Variants in HIPK3 observed in about 807,000 individuals in gnomAD.
HIPK3 encodes the protein homeodomain interacting protein kinase 3, also known as homeodomain-interacting protein kinase 3.
HIPK3 carries 47 observed loss-of-function variants against 124.2 expected under a neutral mutation model. The ratio of observed to expected loss-of-function variants is 0.38; its 90% CI spans 0.30 to 0.48. HIPK3 has a LOEUF of 0.48. HIPK3 is among the 20% of genes least tolerant of loss of function. The pLI, the probability that HIPK3 is intolerant of heterozygous loss-of-function variation, is 0.98. For synonymous variants in HIPK3, 482 were observed against 515.2 expected (o/e 0.94, Z 0.87); for missense variants, 1,286 against 1,454.3 (o/e 0.88, Z 1.88).
At chr11:33,313,578 T>G (rs1402892919) in intron 2 of HIPK3, among the ~76,000 whole-genome samples, 2 of 152,116 alleles carry the variant, frequency 1.3e-5, no homozygotes, top group Non-Finnish European at 2.9e-5. Flanking sequence ...GGAATCTAGT[T>G]GAGGGGTATT....
At chr11:33,351,513 T>A (rs1400230929) in intron 14 of HIPK3, 95 bp from the exon 15 acceptor site, 1 of 763,054 alleles carries the variant, frequency 1.3e-6, no homozygotes, top group Non-Finnish European at 2.2e-6. Context: ...AACTGAATAA[T>A]GTTCTCATCA....
At chr11:33,258,663 T>A (rs2133855655) in intron 1 of HIPK3, 2 of 985,208 alleles carry the variant, frequency 2.0e-6, no homozygotes, top group African/African-American at 3.5e-5. Flanking sequence ...TGTTTCTCTG[T>A]CGGGAGGGAG....
At position 33,317,586 on chromosome 11, in the gene HIPK3, A is replaced by T. The variant is rs562742888; in HGVS notation, c.1098-10924A>T. ...CTGGCCAGTCTTATTTTATAGTATG[A>T]GATGCTTGTTTTAGAAACAATAAAA... is the stretch of plus-strand genomic sequence containing the variant. On this transcript the variant is annotated intron_variant, in intron 2 of 16. Coordinates refer to ENST00000303296, the MANE Select transcript of HIPK3 (RefSeq NM_005734.5). 2.0e-5 allele frequency among the ~76,000 whole-genome samples: 3 copies of T among 152,242 alleles called. No homozygotes were observed. In the East Asian group the frequency reaches 5.8e-4, roughly 29 times the overall value.
chr11:33,272,538 G>A (rs1320318456), intron 1 of HIPK3, among the ~76,000 whole-genome samples: 1 of 152,088 alleles, frequency 6.6e-6, no homozygotes, highest in Non-Finnish European at 1.5e-5. Context: ...AAGGAGACCT[G>A]TTGCAAGTTT....
chr11:33,337,937 G>A (rs938416135), intron 4 of HIPK3, among the ~76,000 whole-genome samples: 3 of 152,162 alleles, frequency 2.0e-5, no homozygotes, highest in Admixed American at 2.0e-4. Flanking sequence ...CTCCCAAAGT[G>A]CTGGGATTAC....
chr11:33,304,973 G>A (rs1023453991), intron 2 of HIPK3, among the ~76,000 whole-genome samples: 1 of 152,104 alleles, frequency 6.6e-6, no homozygotes, highest in African/African-American at 2.4e-5. Flanking sequence ...TCACATTATT[G>A]GCTTTGAATA....
intron 2 of HIPK3, among the ~76,000 whole-genome samples, chr11:33,307,254 T>A (rs972995719): frequency 3.3e-5 from 5 of 152,078 alleles, no homozygotes; most frequent in African/African-American, 1.2e-4. Flanking sequence ...CATCCATTTT[T>A]AAATAAACTA....
chr11:33,308,571 T>G (rs1365920738), intron 2 of HIPK3, among the ~76,000 whole-genome samples: 3 of 151,686 alleles, frequency 2.0e-5, no homozygotes, highest in African/African-American at 7.3e-5. Context: ...GGTTTTTCTT[T>G]GTCTTTTGTT....
chr11:33,354,430 T>C lies in HIPK3; in HGVS notation c.*862T>C, dbSNP rs974064566. On this transcript the variant is annotated 3_prime_UTR_variant, in exon 17 of 17. Coordinates refer to ENST00000303296, the MANE Select transcript of HIPK3 (RefSeq NM_005734.5). ...TGATAACTGTCACAGCACAGCATTT[T>C]ATATACTGTTAAGTGAAACTGCAAT... is the stretch of plus-strand genomic sequence containing the variant. 6.6e-6 allele frequency: 1 copy of C among 152,628 alleles called. No homozygotes were observed. The highest frequency in any genetic ancestry group is 2.4e-5 in the African/African-American group (1 of 41,460). The allele number at this position is 152,628 out of a possible 1,614,324, so 9.5% of individuals were successfully genotyped here.
At chr11:33,338,528 G>C (rs1853229783) in intron 4 of HIPK3, among the ~76,000 whole-genome samples, 1 of 152,130 alleles carries the variant, frequency 6.6e-6, no homozygotes, top group Non-Finnish European at 1.5e-5. Context: ...CGCCGTGCCC[G>C]GCCTAGTTAT....
intron 2 of HIPK3, among the ~76,000 whole-genome samples, chr11:33,310,896 C>T (rs1310764796): frequency 2.6e-5 from 4 of 152,168 alleles, no homozygotes; most frequent in Non-Finnish European, 5.9e-5. Context: ...TGTCTTTGTT[C>T]TAGTAGTTCA....
At chr11:33,313,748 C>T (rs923119099) in intron 2 of HIPK3, among the ~76,000 whole-genome samples, 10 of 152,148 alleles carry the variant, frequency 6.6e-5, no homozygotes, top group Non-Finnish European at 1.3e-4. Flanking sequence ...CATGAGATTA[C>T]GTGAGATCAC....
chr11:33,269,921 C>T (rs563117500), intron 1 of HIPK3, among the ~76,000 whole-genome samples: 44 of 152,226 alleles, frequency 2.9e-4, no homozygotes, highest in African/African-American at 1.0e-3. Context: ...TGCCTGGATT[C>T]CCTATCTAGC....
chr11:33,340,190 CCCA>C lies in HIPK3; in HGVS notation c.1613+662_1613+664del, dbSNP rs1853288438. On this transcript the variant is annotated intron_variant, in intron 6 of 16. Transcript: ENST00000303296. Reference sequence around the variant, plus strand: ...CCGCCTCACAGGCTCAAGTGCTCCTCCCACCACCTCAGCCTCCTGAGTAGCTGG... The same window carrying C: ...CCGCCTCACAGGCTCAAGTGCTCCTCCCACCTCAGCCTCCTGAGTAGCTGG... 2.0e-5 allele frequency among the ~76,000 whole-genome samples: 3 copies of C among 152,300 alleles called. No homozygotes were observed. In the South Asian group the frequency reaches 6.2e-4, roughly 32 times the overall value.
chr11:33,337,735 G>A (rs938433754), intron 4 of HIPK3, among the ~76,000 whole-genome samples: 2 of 151,872 alleles, frequency 1.3e-5, no homozygotes, highest in Non-Finnish European at 2.9e-5. Flanking sequence ...GCGCAGTGGT[G>A]TAATCTCGGC....
chr11:33,351,672 T>G lies in HIPK3; in HGVS notation c.2872T>G (p.Ser958Ala). Residue 958 changes from serine to alanine, a missense_variant, in exon 15 of 17, where the codon TCC (serine) becomes GCC (alanine). By Grantham distance (99) the Ser-to-Ala change is moderately conservative. Transcript: ENST00000303296. Reference sequence around the variant, plus strand: ...GGATGGCTCTCCGACATCTGACTCTTCCGGGCATGACAGTCCATTTGCAGA... The same window carrying G: ...GGATGGCTCTCCGACATCTGACTCTGCCGGGCATGACAGTCCATTTGCAGA... ...TVDGSPTSDS[S>A]GHDSPFAEST... 1 of 1,614,222 alleles carries G rather than the reference T, an allele frequency of 6.2e-7. No homozygotes were observed. The highest frequency in any genetic ancestry group is 8.5e-7 in the Non-Finnish European group (1 of 1,180,026).
chr11:33,296,236 G>A (rs901320549), intron 2 of HIPK3, among the ~76,000 whole-genome samples: 3 of 152,076 alleles, frequency 2.0e-5, no homozygotes, highest in African/African-American at 7.2e-5. Flanking sequence ...TGGTATGGCC[G>A]CATCCTTTCT....
intron 1 of HIPK3, among the ~76,000 whole-genome samples, chr11:33,270,281 G>T (rs1851088958): frequency 6.6e-6 from 1 of 151,814 alleles, no homozygotes; most frequent in Admixed American, 6.6e-5. Flanking sequence ...TGCCTGGCCT[G>T]CCTTTTGTTT....
In HIPK3 at chr11:33,287,462, C is replaced by A; in HGVS notation, c.1048C>A (p.His350Asn). Residue 350 changes from histidine (H) to asparagine (N), a missense_variant, in exon 2 of 17, where the codon CAT becomes AAT. Around this residue, in one of 3 missense-constraint regions of HIPK3, gnomAD observed 251 missense variants for 349.1 expected, o/e 0.72. Coordinates refer to ENST00000303296, the MANE Select transcript of HIPK3 (RefSeq NM_005734.5). ...VKVIDFGSAS[H>N]VSKTVCSTYL... ...AGTAATAGACTTTGGGTCGGCCAGT[C>A]ATGTATCAAAGACTGTTTGTTCAAC... 1 of 1,613,962 alleles carries A rather than the reference C, an allele frequency of 6.2e-7. No individual in the cohort carries two copies. The highest frequency in any genetic ancestry group is 1.1e-5 in the South Asian group (1 of 91,056).
Sources: allele counts gnomAD v4.1 joint callset (sites outside exome capture counted in the v4.1 genomes callset), GRCh38; gene constraint gnomAD v4.1.1; regional missense constraint gnomAD v4.1.1; transcripts MANE v1.5; gene names NCBI Gene and HGNC (gene_info 2026-07-23, HGNC 2026-07-21).